FNTB: variants seen among roughly 807,000 people sequenced by gnomAD.
The protein encoded by FNTB is farnesyltransferase, CAAX box, subunit beta.
A neutral mutation model predicts 59.4 loss-of-function variants in FNTB; 27 were observed. The observed-to-expected ratio is 0.45, with a 90% CI of 0.34 to 0.63. The LOEUF (loss-of-function observed/expected upper bound fraction) is 0.63. FNTB is among the 20% of genes least tolerant of loss of function. FNTB has a pLI of 0.02. For missense variants in FNTB, 449 were observed against 559.6 expected, an observed-to-expected ratio of 0.80 and a Z score of 1.99; for synonymous variants, 230 against 220.7, an observed-to-expected ratio of 1.04 and a Z score of -0.37.
chr14:65,049,073 G>A (rs2062550690), intron 9 of FNTB, among the ~76,000 whole-genome samples: 1 of 151,280 alleles, frequency 6.6e-6, no homozygotes, highest in African/African-American at 2.4e-5. Context: ...GTTGCAGTGA[G>A]CTGAGATCGC....
At chr14:65,004,465 C>T (rs2061551374) in intron 2 of FNTB, 152 bp downstream of exon 2, 1 of 778,018 alleles carries the variant, frequency 1.3e-6, no homozygotes, top group Non-Finnish European at 2.1e-6. Context: ...ATGCTAAGAC[C>T]CCCACTCCTC....
rs573179960 is a variant in FNTB at position 65,033,887 on chromosome 14, A to C, written c.692+1191A>C. ...AAGAAGCAAAAGGTATAGTAGACACATATATACTATGATGGAATGATAGCC... is the reference window on the plus strand; with the variant it reads ...AAGAAGCAAAAGGTATAGTAGACACCTATATACTATGATGGAATGATAGCC... On this transcript the variant is annotated intron_variant, in intron 7 of 11. Transcript: ENST00000246166. 9.2e-4 allele frequency among the ~76,000 whole-genome samples: 140 copies of C among 152,342 alleles called. 7 individuals carry two copies. The South Asian group carries it at 0.024, about 26-fold the overall frequency.
At chr14:64,987,443 G>C (rs1887994261) in intron 1 of FNTB, 1 of 345,352 alleles carries the variant, frequency 2.9e-6, no homozygotes, top group Non-Finnish European at 5.6e-6. Flanking sequence ...TACTTCGGGA[G>C]GTTCTGGGGT....
rs200459343 is a variant in FNTB, at chr14:65,061,297, G to A, written c.1299G>A (p.Glu433=). Residue 433 remains glutamate (E), a synonymous_variant, in exon 12 of 12, where the codon GAG becomes GAA. Transcript: ENST00000246166. ...FEELKDETSA[E]PATD is the part of the protein sequence containing the mutation. ...AGCTTAAGGATGAGACATCGGCAGA[G>A]CCTGCAACCGACTAGAGGACCTGGG... The A allele has an allele frequency of 2.5e-6, 4 of 1,613,938 alleles. No homozygotes were observed. The highest frequency in any genetic ancestry group is 4.5e-5 in the East Asian group (2 of 44,886).
rs745940200 is a variant in FNTB, at chr14:65,029,161, C to T, written c.605+1380C>T. ...TGGGTGATGCTCTGCCATTCGTGCC[C>T]GTGCTTTCTATTTACATAAAGGATT... On this transcript the variant is annotated intron_variant, in intron 6 of 11. Transcript: ENST00000246166. This position sits in a 1 kb window ranked among gnomAD's most constrained non-coding sequence, Gnocchi z 4.7. 2.4e-4 allele frequency among the ~76,000 whole-genome samples: 36 copies of T among 152,138 alleles called. No individual in the cohort carries two copies. Among genetic ancestry groups the T allele is most frequent in the Admixed American group, 1.6e-3 (24 of 15,270 alleles).
chr14:64,993,433 G>T (rs953804402), intron 1 of FNTB, among the ~76,000 whole-genome samples: 17 of 152,170 alleles, frequency 1.1e-4, no homozygotes, highest in Non-Finnish European at 2.4e-4. Flanking sequence ...TTGTTTTAGG[G>T]TATTGTGTCA....
chr14:65,032,856 CTTCTT>C lies in FNTB; in HGVS notation c.692+163_692+167del, dbSNP rs1471397904. Among the ~76,000 whole-genome samples the C allele has an allele frequency of 6.6e-6, 1 of 152,130 alleles. No homozygotes were observed. Among genetic ancestry groups the C allele is most frequent in the African/African-American group, 2.4e-5 (1 of 41,426 alleles). Reference sequence around the variant, plus strand: ...TGATTTTTTTAAATACTTAAAATGTCTTCTTTTTTCCAAACTTTCTTTAATGTTAT... The same window carrying C: ...TGATTTTTTTAAATACTTAAAATGTCTTTTCCAAACTTTCTTTAATGTTAT... On this transcript the variant is annotated intron_variant, in intron 7 of 11. Coordinates refer to ENST00000246166, the MANE Select transcript of FNTB (RefSeq NM_002028.4). The surrounding 1 kb of genome is among the most constrained non-coding windows in gnomAD (Gnocchi z 5.0).
rs1412888475 is a variant in FNTB, at chr14:65,054,429, C to G, written c.1068-146C>G. The G allele has an allele frequency of 1.3e-6, 1 of 778,152 alleles. No individual in the cohort carries two copies. The highest frequency in any genetic ancestry group is 2.1e-6 in the Non-Finnish European group (1 of 486,374). The allele number at this position is 778,152 out of a possible 1,614,324, so 48.2% of individuals were successfully genotyped here. On this transcript the variant is annotated intron_variant, in intron 10 of 11. Coordinates refer to ENST00000246166, the MANE Select transcript of FNTB (RefSeq NM_002028.4). The surrounding 1 kb of genome is among the most constrained non-coding windows in gnomAD (Gnocchi z 4.4). ...TCAGCCAGTGGGGCTTTAAATAACA[C>G]TGCTGGGAAAACCATGCCTCCTCTA...
At position 65,054,514 on chromosome 14, in the gene FNTB, C is replaced by T; in HGVS notation, c.1068-61C>T. 5.3e-6 allele frequency: 8 copies of T among 1,523,262 alleles called. No individual in the cohort carries two copies. In the South Asian group the frequency reaches 9.5e-5, roughly 18 times the overall value. 94.4% of individuals were successfully genotyped at this position (1,523,262 alleles called of 1,614,324 possible). On this transcript the variant is annotated intron_variant, in intron 10 of 11. Coordinates refer to ENST00000246166, the MANE Select transcript of FNTB (RefSeq NM_002028.4). The surrounding 1 kb of genome is among the most constrained non-coding windows in gnomAD (Gnocchi z 4.4). ...ACCAGTGGTCTCTGAATTGGTGTGG[C>T]TACATTTGTAGATGTGTGCGGAGCA...
rs138933441 is a variant in FNTB at position 65,012,953 on chromosome 14, T to C, written c.282+564T>C. 2.0e-3 allele frequency among the ~76,000 whole-genome samples: 300 copies of C among 152,330 alleles called. 2 individuals carry two copies. Among genetic ancestry groups the C allele is most frequent in the African/African-American group, 6.9e-3 (287 of 41,574 alleles). On this transcript the variant is annotated intron_variant, in intron 3 of 11. Coordinates refer to ENST00000246166, the MANE Select transcript of FNTB (RefSeq NM_002028.4). This position sits in a 1 kb window ranked among gnomAD's most constrained non-coding sequence, Gnocchi z 5.0. The stretch of plus-strand genomic sequence containing the variant: ...GTCCTTGCAATTTAACATTACTGTT[T>C]AAGAGTAGATCTTTAATATTTCCCA...
At position 64,995,210 on chromosome 14, in the gene FNTB, C is replaced by A. The variant is rs555390238; in HGVS notation, c.144+8113C>A. ...GAAGGCCTTCGGGGACAGTGATAGG[C>A]ATGGAGCTGTCATCTCCTAGGATAA... On this transcript the variant is annotated intron_variant, in intron 1 of 11. Coordinates refer to ENST00000246166, the MANE Select transcript of FNTB (RefSeq NM_002028.4). Among the ~76,000 whole-genome samples, 219 of 152,286 alleles carry A rather than the reference C, an allele frequency of 1.4e-3. 2 individuals carry two copies. Among genetic ancestry groups the A allele is most frequent in the African/African-American group, 4.8e-3 (199 of 41,548 alleles).
chr14:64,993,885 C>T (rs780659734), intron 1 of FNTB, among the ~76,000 whole-genome samples: 58 of 147,810 alleles, frequency 3.9e-4, no homozygotes, highest in Non-Finnish European at 4.3e-4. Flanking sequence ...GACAGAGTTT[C>T]GCTCTTGTCG....
At chr14:65,006,053 C>T (rs1430997709) in intron 2 of FNTB, 10 of 1,359,206 alleles carry the variant, frequency 7.4e-6, no homozygotes, top group Admixed American at 2.3e-5. Context: ...CTCTTGACTT[C>T]TTGAGATCTT....
At chr14:64,993,452 T>C (rs1888279467) in intron 1 of FNTB, among the ~76,000 whole-genome samples, 1 of 152,234 alleles carries the variant, frequency 6.6e-6, no homozygotes, top group South Asian at 2.1e-4. Context: ...CATCCCCAGC[T>C]GGTACTTTGT....
Position 65,012,421 on chromosome 14 carries a change from A to T in FNTB, c.282+32A>T, listed in dbSNP as rs1443585552. Reference sequence around the variant, plus strand: ...ACATTACCCAGGAACTCTTGCTGTCAAATTATCCACCAAATCCTCCTCCTT... The same window carrying T: ...ACATTACCCAGGAACTCTTGCTGTCTAATTATCCACCAAATCCTCCTCCTT... On this transcript the variant is annotated intron_variant, in intron 3 of 11. Transcript: ENST00000246166. The surrounding 1 kb of genome is among the most constrained non-coding windows in gnomAD (Gnocchi z 5.0). 4.3e-6 allele frequency: 7 copies of T among 1,613,402 alleles called. No homozygotes were observed. In the African/African-American group the frequency reaches 6.7e-5, roughly 15 times the overall value.
Position 65,012,024 on chromosome 14 carries a change from G to A in FNTB, c.210-293G>A, listed in dbSNP as rs529946660. On this transcript the variant is annotated intron_variant, in intron 2 of 11. Coordinates refer to ENST00000246166, the MANE Select transcript of FNTB (RefSeq NM_002028.4). The surrounding 1 kb of genome is among the most constrained non-coding windows in gnomAD (Gnocchi z 5.0). ...GGGTGGACTGTCATTGCCTGGCTGCGTGTGCTCATTGCGGCTTTTCCGTTA... is the reference window on the plus strand; with the variant it reads ...GGGTGGACTGTCATTGCCTGGCTGCATGTGCTCATTGCGGCTTTTCCGTTA... 52 of 329,210 alleles carry A rather than the reference G, an allele frequency of 1.6e-4. No individual in the cohort carries two copies. The highest frequency in any genetic ancestry group is 7.1e-4 in the African/African-American group (34 of 47,828). 20.4% of individuals were successfully genotyped at this position (329,210 alleles called of 1,614,324 possible).
chr14:65,005,185 G>A (rs1428041484), intron 2 of FNTB, among the ~76,000 whole-genome samples: 2 of 152,194 alleles, frequency 1.3e-5, no homozygotes, highest in African/African-American at 4.8e-5. Context: ...TCTAAGTCCT[G>A]TGAGGTCAGG....
intron 2 of FNTB, among the ~76,000 whole-genome samples, chr14:65,005,953 C>T: frequency 6.6e-6 from 1 of 152,106 alleles, no homozygotes; most frequent in Admixed American, 6.6e-5. Flanking sequence ...TCCTTGACAT[C>T]TCTGAACAAA....
At chr14:65,022,955 T>G (rs1395258434) in intron 4 of FNTB, among the ~76,000 whole-genome samples, 1 of 152,212 alleles carries the variant, frequency 6.6e-6, no homozygotes, top group Non-Finnish European at 1.5e-5. Flanking sequence ...TGTTTTATTC[T>G]TATTGGTTTC....
Sources: allele counts gnomAD v4.1 joint callset (sites outside exome capture counted in the v4.1 genomes callset), GRCh38; gene constraint gnomAD v4.1.1; non-coding constraint Gnocchi (gnomAD v3.1); transcripts MANE v1.5; gene names NCBI Gene and HGNC (gene_info 2026-07-23, HGNC 2026-07-21).